Variants in SLC30A8 observed in about 807,000 individuals in gnomAD.
SLC30A8 encodes solute carrier family 30 member 8.
A neutral mutation model predicts 36.9 loss-of-function variants in SLC30A8; 27 were observed. That is an observed-to-expected ratio of 0.73 (90% CI 0.54 to 1.01). SLC30A8 has a LOEUF of 1.01. SLC30A8 is among the 50% of genes least tolerant of loss of function. The pLI is 0.00. For missense variants in SLC30A8, 439 were observed against 452.0 expected (o/e 0.97, Z 0.26); for synonymous variants, 164 against 172.4 (o/e 0.95, Z 0.38).
At position 116,982,100 on chromosome 8, in the gene SLC30A8, A is replaced by G. The variant is rs184998022; in HGVS notation, c.-266+30981A>G. ...ATCTGTTATTTTTTCATTTTTAGTA[A>G]TAGCCATTCTGACTGATGTCATAGA... On this transcript the variant is annotated intron_variant, in intron 1 of 10. Transcript: ENST00000427715. Among the ~76,000 whole-genome samples the G allele has an allele frequency of 2.2e-3, 333 of 152,230 alleles. 2 individuals are homozygous for G. The highest frequency in any genetic ancestry group is 7.8e-3 in the African/African-American group (323 of 41,542).
chr8:117,176,391 C>G lies in SLC30A8; in HGVS notation c.*3710C>G, dbSNP rs1823688979. 1 of 152,458 alleles carries G rather than the reference C, an allele frequency of 6.6e-6. No individual in the cohort carries two copies. The highest frequency in any genetic ancestry group is 2.4e-5 in the African/African-American group (1 of 41,416). The allele number at this position is 152,458 out of a possible 1,614,324, so 9.4% of individuals were successfully genotyped here. On this transcript the variant is annotated 3_prime_UTR_variant, in exon 8 of 8. Transcript: ENST00000456015. ...CCAGGAAATGATTTTCTCAGCTCAT[C>G]TCTCTGTATTCCCTGTTTTGGATCA...
intron 2 of SLC30A8, among the ~76,000 whole-genome samples, chr8:117,058,963 A>G (rs953301603): frequency 1.3e-5 from 2 of 152,178 alleles, no homozygotes; most frequent in Admixed American, 6.5e-5. Flanking sequence ...TGATCCCTCC[A>G]CCATACCTTT....
intron 1 of SLC30A8, among the ~76,000 whole-genome samples, chr8:117,033,030 G>C (rs1266430123): frequency 6.6e-6 from 1 of 152,226 alleles, no homozygotes; most frequent in African/African-American, 2.4e-5. Context: ...CGTGAAGGAA[G>C]GGAGTGGAGT....
At chr8:117,153,112 A>G (rs760217382) in intron 3 of SLC30A8, 22 bp downstream of exon 3, 24 of 1,546,000 alleles carry the variant, frequency 1.6e-5, no homozygotes, top group African/African-American at 5.4e-5. Context: ...AGAGTGAGCA[A>G]TAACAGCAGG....
intron 2 of SLC30A8, among the ~76,000 whole-genome samples, chr8:117,051,336 T>C (rs907517857): frequency 3.3e-5 from 5 of 152,344 alleles, no homozygotes; most frequent in Admixed American, 2.0e-4. Flanking sequence ...AACCCTTTGA[T>C]GTGTGAGACA....
In SLC30A8 at chr8:117,135,249, G is replaced by A. The variant is rs549062821; in HGVS notation, c.-79G>A. On this transcript the variant is annotated 5_prime_UTR_variant, in exon 1 of 8. Transcript: ENST00000456015. ...TTCTTTAGAAAGTGTATAAATAATT[G>A]CAGTGCTGCTTTGCTTCCAAAACTG... is the stretch of plus-strand genomic sequence containing the variant. 2 of 914,156 alleles carry A rather than the reference G, an allele frequency of 2.2e-6. No homozygotes were observed. Among genetic ancestry groups the A allele is most frequent in the African/African-American group, 1.7e-5 (1 of 59,530 alleles). The allele number at this position is 914,156 out of a possible 1,614,324, so 56.6% of individuals were successfully genotyped here.
chr8:117,050,212 C>T (rs995050157), intron 2 of SLC30A8, among the ~76,000 whole-genome samples: 3 of 152,092 alleles, frequency 2.0e-5, no homozygotes, highest in Admixed American at 6.6e-5. Context: ...TGCTTGATCA[C>T]GTCTAGTGTG....
intron 1 of SLC30A8, among the ~76,000 whole-genome samples, chr8:117,028,301 G>T (rs959353080): frequency 6.6e-6 from 1 of 152,166 alleles, no homozygotes; most frequent in Non-Finnish European, 1.5e-5. Context: ...CAGCATAAAA[G>T]CTCAGATCTT....
chr8:117,125,465 C>T lies in SLC30A8; in HGVS notation c.-225-9815C>T, dbSNP rs368927952. On this transcript the variant is annotated intron_variant, in intron 2 of 10. Transcript: ENST00000427715. ...TTTTTAGCTCAAGAGAAAAATTGACCAAATATTTTTGTGAATGGAGATGTG... is the reference window on the plus strand; with the variant it reads ...TTTTTAGCTCAAGAGAAAAATTGACTAAATATTTTTGTGAATGGAGATGTG... Among the ~76,000 whole-genome samples the T allele has an allele frequency of 3.9e-5, 6 of 151,924 alleles. No homozygotes were observed. The East Asian group carries it at 9.8e-4, about 25-fold the overall frequency.
At chr8:117,077,109 C>G (rs1342441665) in intron 2 of SLC30A8, among the ~76,000 whole-genome samples, 1 of 152,148 alleles carries the variant, frequency 6.6e-6, no homozygotes, top group Non-Finnish European at 1.5e-5. Context: ...TACACTCATG[C>G]AAACTGGGAT....
At position 117,063,831 on chromosome 8, in the gene SLC30A8, T is replaced by C. The variant is rs1818088986; in HGVS notation, c.-226+24573T>C. On this transcript the variant is annotated intron_variant, in intron 2 of 10. Transcript: ENST00000427715. ...ACACATTTGACATGTGATTTTTCTC[T>C]TCTAGGTAGAAAGTCTAATACCAGA... 2.0e-5 allele frequency among the ~76,000 whole-genome samples: 3 copies of C among 152,140 alleles called. No homozygotes were observed. The South Asian group carries it at 6.2e-4, about 32-fold the overall frequency.
At chr8:117,162,749 A>G (rs539111183) in intron 5 of SLC30A8, among the ~76,000 whole-genome samples, 14 of 152,186 alleles carry the variant, frequency 9.2e-5, no homozygotes, top group Non-Finnish European at 1.8e-4. Context: ...TTGAGGGTCC[A>G]CTTACAAAAG....
chr8:117,120,549 T>C (rs78667771), intron 2 of SLC30A8, among the ~76,000 whole-genome samples: 3,731 of 151,948 alleles, frequency 0.025, 67 homozygotes, highest in South Asian at 0.053. Context: ...GTCTTGGCAA[T>C]GATTTGTTTG....
chr8:117,076,125 G>C (rs1818480281), intron 2 of SLC30A8, among the ~76,000 whole-genome samples: 1 of 151,962 alleles, frequency 6.6e-6, no homozygotes, highest in African/African-American at 2.4e-5. Context: ...TTACTAAATA[G>C]TACAATTTTC....
chr8:116,990,379 C>T (rs760137045), intron 1 of SLC30A8, among the ~76,000 whole-genome samples: 217 of 152,190 alleles, frequency 1.4e-3, no homozygotes, highest in Non-Finnish European at 2.6e-3. Flanking sequence ...GTTATCCTCC[C>T]CAGTGATGAT....
intron 1 of SLC30A8, among the ~76,000 whole-genome samples, chr8:117,142,560 A>G (rs895067604): frequency 5.3e-5 from 8 of 152,102 alleles, no homozygotes. Context: ...GGGGACACCT[A>G]TGTAGTTTTC....
intron 2 of SLC30A8, among the ~76,000 whole-genome samples, chr8:117,123,896 T>C (rs1820791840): frequency 6.6e-6 from 1 of 152,050 alleles, no homozygotes; most frequent in Non-Finnish European, 1.5e-5. Flanking sequence ...AGAGCTTGCA[T>C]TGGGTATTGG....
intron 2 of SLC30A8, among the ~76,000 whole-genome samples, chr8:117,041,539 A>G (rs1817387095): frequency 6.6e-6 from 1 of 151,880 alleles, no homozygotes; most frequent in South Asian, 2.1e-4. Context: ...AAATACAAAA[A>G]ATTAGCTGGG....
intron 2 of SLC30A8, among the ~76,000 whole-genome samples, chr8:117,110,266 A>T (rs968387201): frequency 7.4e-4 from 112 of 152,136 alleles, no homozygotes; most frequent in Non-Finnish European, 1.4e-3. Context: ...TACTTAAAAA[A>T]AAAAAGCCAT....
Sources: gnomAD v4.1 joint callset for allele counts (sites outside exome capture counted in the v4.1 genomes callset) on GRCh38, gnomAD v4.1.1 for gene constraint, MANE v1.5 for transcripts, NCBI Gene and HGNC (gene_info 2026-07-23, HGNC 2026-07-21) for gene names.